DENND4C: variants seen among roughly 807,000 people sequenced by gnomAD.
The protein encoded by DENND4C is DENN domain-containing protein 4C.
A neutral mutation model predicts 203.0 loss-of-function variants in DENND4C; 108 were observed. The observed-to-expected ratio is 0.53, with a 90% CI of 0.46 to 0.62. The LOEUF (loss-of-function observed/expected upper bound fraction) is 0.62. Ranked by LOEUF, DENND4C falls within the 20% of genes least tolerant of loss-of-function variation. The pLI is 0.00. For missense variants in DENND4C, 2,481 were observed against 2,301.2 expected, an observed-to-expected ratio of 1.08 and a Z score of -1.60; for synonymous variants, 871 against 792.4, an observed-to-expected ratio of 1.10 and a Z score of -1.67.
At chr9:19,318,689 T>C (rs1324151400) in intron 12 of DENND4C, among the ~76,000 whole-genome samples, 1 of 152,196 alleles carries the variant, frequency 6.6e-6, no homozygotes, top group Non-Finnish European at 1.5e-5. Context: ...GGCTTGTAGA[T>C]AGGTATTTTC....
chr9:19,298,170 T>C, intron 7 of DENND4C, 48 bp downstream of exon 7: 1 of 1,519,558 alleles, frequency 6.6e-7, no homozygotes, highest in Non-Finnish European at 9.1e-7. Context: ...TATGCTCACC[T>C]GAGTCATTGC....
intron 12 of DENND4C, among the ~76,000 whole-genome samples, chr9:19,321,445 A>G (rs981618825): frequency 6.6e-6 from 1 of 152,208 alleles, no homozygotes; most frequent in African/African-American, 2.4e-5. Flanking sequence ...AAACAACAGA[A>G]AAAAGGGAAG....
chr9:19,250,785 C>G (rs989648180), intron 1 of DENND4C, among the ~76,000 whole-genome samples: 4 of 152,192 alleles, frequency 2.6e-5, no homozygotes, highest in Non-Finnish European at 5.9e-5. Flanking sequence ...CCACAATGAT[C>G]TCCTTTGACT....
chr9:19,286,977 C>G lies in DENND4C; in HGVS notation c.514C>G (p.Pro172Ala). Residue 172 changes from proline (P) to alanine (A), a missense_variant, in exon 3 of 33, where the codon CCT (proline) becomes GCT (alanine). This residue lies in a region of DENND4C where 2,289 missense variants were observed against 2,113.3 expected (regional missense o/e 1.08). Transcript: ENST00000434457. Reference protein sequence around the residue: ...VIVTSKGETPPHTFCKVDKNL... With the variant: ...VIVTSKGETPAHTFCKVDKNL... ...TGTAACCAGTAAAGGAGAAACTCCT[C>G]CTCATACCTTCTGCAAAGTTGACAA... 1 of 1,232,074 alleles carries G rather than the reference C, an allele frequency of 8.1e-7. No homozygotes were observed. Among genetic ancestry groups the G allele is most frequent in the Non-Finnish European group, 1.0e-6 (1 of 987,938 alleles). The allele number at this position is 1,232,074 out of a possible 1,614,324, so 76.3% of individuals were successfully genotyped here.
At chr9:19,359,838 A>G (rs931731695) in intron 28 of DENND4C, among the ~76,000 whole-genome samples, 1 of 152,220 alleles carries the variant, frequency 6.6e-6, no homozygotes, top group Non-Finnish European at 1.5e-5. Context: ...AGTTAAGTCA[A>G]CAAAGAATAT....
At chr9:19,352,361 TAAAAG>T (rs1195973923) in intron 25 of DENND4C, 124 bp from the exon 26 acceptor site, 2 of 1,086,352 alleles carry the variant, frequency 1.8e-6, no homozygotes, top group Non-Finnish European at 1.3e-6. Context: ...ACCTGTGAAA[TAAAAG>T]AACTGTTATT....
rs768879715 is a variant in DENND4C, at chr9:19,346,441, C to G, written c.3672C>G (p.Ser1224=). The G allele has an allele frequency of 1.9e-6, 3 of 1,613,974 alleles. No homozygotes were observed. The highest frequency in any genetic ancestry group is 3.3e-4 in the Middle Eastern group (2 of 6,062). ...AGTCCAGAGACTTGAAAACAGTATC[C>G]AAAGATCTGAGGAATAAGAGAAGTA... is the stretch of plus-strand genomic sequence containing the variant. ...SNQSRDLKTV[S]KDLRNKRSSL... is the part of the protein sequence containing the mutation. Residue 1224 remains serine, a synonymous_variant, in exon 23 of 33, where the codon TCC becomes TCG. Coordinates refer to ENST00000434457, the MANE Select transcript of DENND4C (RefSeq NM_001330640.2).
intron 1 of DENND4C, among the ~76,000 whole-genome samples, chr9:19,252,008 A>C (rs552103671): frequency 2.0e-5 from 3 of 152,158 alleles, no homozygotes; most frequent in Non-Finnish European, 4.4e-5. Context: ...ATATCTTTTC[A>C]GCAGTGCCCC....
rs908261675 is a variant in DENND4C, at chr9:19,255,480, A to G, written c.-17-20678A>G. On this transcript the variant is annotated intron_variant, in intron 1 of 32. Transcript: ENST00000434457. The stretch of plus-strand genomic sequence containing the variant: ...TACACATCACTAATGTTTACAATCA[A>G]CAGGTTTATACATTTATTTTAGGTA... Among the ~76,000 whole-genome samples the G allele has an allele frequency of 2.0e-5, 3 of 152,288 alleles. No homozygotes were observed. In the East Asian group the frequency reaches 5.8e-4, roughly 29 times the overall value.
At chr9:19,231,692 G>A (rs1023545846) in intron 1 of DENND4C, among the ~76,000 whole-genome samples, 7 of 151,806 alleles carry the variant, frequency 4.6e-5, no homozygotes, top group African/African-American at 1.7e-4. Context: ...AAAATTTAGG[G>A]TAGTTACCGC....
intron 1 of DENND4C, among the ~76,000 whole-genome samples, chr9:19,246,412 G>T (rs982270291): frequency 2.0e-5 from 3 of 152,018 alleles, no homozygotes; most frequent in African/African-American, 7.2e-5. Flanking sequence ...TTTCCTTCTA[G>T]ACTCTTAGCT....
intron 1 of DENND4C, among the ~76,000 whole-genome samples, chr9:19,266,954 C>G (rs1485257258): frequency 6.6e-6 from 1 of 152,128 alleles, no homozygotes; most frequent in African/African-American, 2.4e-5. Flanking sequence ...TCTTTTTTAT[C>G]ACATCGTGGT....
rs1042257801 is a variant in DENND4C, at chr9:19,276,170, C to A, written c.-5C>A. The A allele has an allele frequency of 4.1e-6, 5 of 1,231,174 alleles. No individual in the cohort carries two copies. In the African/African-American group the frequency reaches 7.8e-5, roughly 19 times the overall value. 76.3% of individuals were successfully genotyped at this position (1,231,174 alleles called of 1,614,324 possible). A position where few individuals can be genotyped will look rare whatever the true frequency, so the allele number is the denominator to read the frequency against. On this transcript the variant is annotated 5_prime_UTR_variant, in exon 2 of 33. Transcript: ENST00000434457. ...CTCCCTCTTCTAGAAAATACAGTAG[C>A]AGCCATGATAGAAGACAAAGGACCA...
chr9:19,370,662 GA>G (rs952196760), intron 31 of DENND4C, among the ~76,000 whole-genome samples: 1 of 152,178 alleles, frequency 6.6e-6, no homozygotes, highest in African/African-American at 2.4e-5. Flanking sequence ...ATGGGAATAG[GA>G]GCAGAAACAA....
At chr9:19,316,889 T>TA in intron 12 of DENND4C, 50 bp downstream of exon 12, 1 of 1,463,682 alleles carries the variant, frequency 6.8e-7, no homozygotes, top group Non-Finnish European at 9.3e-7. Flanking sequence ...AAAAATATTT[T>TA]ATATTTGATG....
At chr9:19,357,900 T>C (rs1175671986) in intron 27 of DENND4C, 65 bp from the exon 28 acceptor site, 31 of 1,292,196 alleles carry the variant, frequency 2.4e-5, no homozygotes, top group South Asian at 3.1e-5. Flanking sequence ...GAAAATACTC[T>C]AGCTCTACAG....
At chr9:19,254,960 C>G (rs915695291) in intron 1 of DENND4C, among the ~76,000 whole-genome samples, 1 of 151,996 alleles carries the variant, frequency 6.6e-6, no homozygotes, top group Non-Finnish European at 1.5e-5. Flanking sequence ...TGGTGAAACC[C>G]TGTCTGTACT....
At chr9:19,271,869 C>CAA (rs200794983) in intron 1 of DENND4C, among the ~76,000 whole-genome samples, 2,462 of 82,362 alleles carry the variant, frequency 0.03, 32 homozygotes, top group Middle Eastern at 0.048. Flanking sequence ...AACTCTGTCT[C>CAA]AAAAAAAAAA....
chr9:19,362,673 G>T (rs929292745), intron 30 of DENND4C, among the ~76,000 whole-genome samples: 8 of 152,084 alleles, frequency 5.3e-5, no homozygotes, highest in Non-Finnish European at 1.2e-4. Context: ...TAAAAATTTG[G>T]TTGGCTATTT....
Sources: gnomAD v4.1 joint callset for allele counts (sites outside exome capture counted in the v4.1 genomes callset) on GRCh38, gnomAD v4.1.1 for gene constraint, gnomAD v4.1.1 regional missense constraint, MANE v1.5 for transcripts, NCBI Gene and HGNC (gene_info 2026-07-23, HGNC 2026-07-21) for gene names.